Variants in COBLL1 observed in about 807,000 individuals in gnomAD.
The protein encoded by COBLL1 is cordon-bleu protein-like 1.
COBLL1 carries 50 observed loss-of-function variants against 94.8 expected under a neutral mutation model. The ratio of observed to expected loss-of-function variants is 0.53; its 90% CI spans 0.42 to 0.67. The LOEUF is 0.67. COBLL1 is among the 30% of genes least tolerant of loss of function. The probability of loss-of-function intolerance (pLI) is 0.00; values close to 1 mark genes in which losing one functional copy is unlikely to be tolerated. For missense variants in COBLL1, 1,362 were observed against 1,348.7 expected (o/e 1.01, Z -0.15); for synonymous variants, 448 against 473.8 (o/e 0.95, Z 0.71).
At chr2:164,801,914 G>A (rs1683829532) in intron 2 of COBLL1, among the ~76,000 whole-genome samples, 1 of 152,132 alleles carries the variant, frequency 6.6e-6, no homozygotes, top group Non-Finnish European at 1.5e-5. Context: ...AAGCTCCTAC[G>A]GACAGAACCA....
intron 2 of COBLL1, among the ~76,000 whole-genome samples, chr2:164,756,090 G>GGAGAGA (rs138711663): frequency 6.7e-6 from 1 of 149,100 alleles, no homozygotes; most frequent in African/African-American, 2.5e-5. Context: ...AGGGAGGGAG[G>GGAGAGA]GAGAGAGAGA....
At chr2:164,813,678 G>A (rs925346663) in intron 2 of COBLL1, among the ~76,000 whole-genome samples, 4 of 152,132 alleles carry the variant, frequency 2.6e-5, no homozygotes, top group Non-Finnish European at 4.4e-5. Flanking sequence ...CAACTCCAAT[G>A]TTTACTCTCC....
At chr2:164,677,894 G>A (rs931129262), downstream of COBLL1, among the ~76,000 whole-genome samples, 13 of 152,124 alleles carry the variant, frequency 8.5e-5, no homozygotes, top group Admixed American at 5.2e-4. Flanking sequence ...CACCAACAGT[G>A]GATAAGATCA....
At chr2:164,707,289 C>T (rs2105462388) in intron 7 of COBLL1, among the ~76,000 whole-genome samples, 1 of 152,156 alleles carries the variant, frequency 6.6e-6, no homozygotes, top group East Asian at 1.9e-4. Flanking sequence ...TTCAGGCATG[C>T]AATATGACAC....
intron 2 of COBLL1, among the ~76,000 whole-genome samples, chr2:164,755,403 T>G (rs1019594760): frequency 3.3e-5 from 5 of 152,190 alleles, no homozygotes; most frequent in African/African-American, 1.2e-4. Flanking sequence ...TACATTACCT[T>G]CTGCATAGTA....
intron 7 of COBLL1, among the ~76,000 whole-genome samples, chr2:164,719,923 A>G (rs1198069062): frequency 6.6e-6 from 1 of 152,154 alleles, no homozygotes; most frequent in Non-Finnish European, 1.5e-5. Flanking sequence ...TGAATAAAAG[A>G]AACAGTGACA....
At chr2:164,751,186 G>C (rs1036862635) in intron 2 of COBLL1, among the ~76,000 whole-genome samples, 1 of 152,044 alleles carries the variant, frequency 6.6e-6, no homozygotes, top group Non-Finnish European at 1.5e-5. Context: ...CCCACCCATC[G>C]TGGCCCACTC....
chr2:164,698,110 G>A (rs1018250586), intron 11 of COBLL1: 5 of 151,982 alleles, frequency 3.3e-5, no homozygotes, highest in Admixed American at 6.6e-5. Context: ...TTGTGACTCT[G>A]GCACTAACTT....
intron 2 of COBLL1, among the ~76,000 whole-genome samples, chr2:164,811,724 G>C (rs13401856): frequency 0.35 from 53,548 of 151,456 alleles, 9,661 homozygotes; most frequent in Admixed American, 0.41. Context: ...AAATGGAACA[G>C]CCAAAAAAGT....
chr2:164,740,258 G>A (rs1310196278), intron 3 of COBLL1, among the ~76,000 whole-genome samples: 1 of 152,086 alleles, frequency 6.6e-6, no homozygotes, highest in Non-Finnish European at 1.5e-5. Flanking sequence ...AGCTACTTGG[G>A]AGGCTGGGGT....
At chr2:164,699,581 AAT>A (rs1684143393) in intron 10 of COBLL1, 82 bp from the exon 11 acceptor site, 2 of 732,206 alleles carry the variant, frequency 2.7e-6, no homozygotes, top group East Asian at 5.2e-5. Context: ...ACACACACAC[AAT>A]GAGAAACAGG....
At chr2:164,775,575 G>A (rs550913220) in intron 2 of COBLL1, among the ~76,000 whole-genome samples, 1 of 152,156 alleles carries the variant, frequency 6.6e-6, no homozygotes, top group East Asian at 1.9e-4. Flanking sequence ...TAATTCTCCT[G>A]CCTCAGCTTC....
chr2:164,767,703 C>A (rs1688002275), intron 2 of COBLL1, among the ~76,000 whole-genome samples: 1 of 151,774 alleles, frequency 6.6e-6, no homozygotes, highest in Non-Finnish European at 1.5e-5. Context: ...TTTTAGTGTC[C>A]CATTCAATTA....
chr2:164,818,422 T>G (rs1181682851), intron 2 of COBLL1, among the ~76,000 whole-genome samples: 1 of 149,476 alleles, frequency 6.7e-6, no homozygotes, highest in Non-Finnish European at 1.5e-5. Context: ...ATATTTACAA[T>G]GTATGCATGT....
At chr2:164,808,544 T>C (rs1474968151) in intron 2 of COBLL1, among the ~76,000 whole-genome samples, 2 of 152,200 alleles carry the variant, frequency 1.3e-5, no homozygotes, top group African/African-American at 4.8e-5. Flanking sequence ...TAGGATTAAA[T>C]GTTAAATAAA....
chr2:164,730,187 TAAAC>T, intron 3 of COBLL1, 72 bp from the exon 4 acceptor site: 1 of 1,269,542 alleles, frequency 7.9e-7, no homozygotes, highest in Non-Finnish European at 1.1e-6. Flanking sequence ...CTTCAATAGA[TAAAC>T]AAGTCTACAA....
At chr2:164,668,480 TACA>T (rs1184369041) in intron 1 of COBLL1, among the ~76,000 whole-genome samples, 1 of 152,184 alleles carries the variant, frequency 6.6e-6, no homozygotes, top group Non-Finnish European at 1.5e-5. Flanking sequence ...TCAGAACACA[TACA>T]ACATTTCTCA....
rs116342333 is a variant in COBLL1 at position 164,800,329 on chromosome 2, C to A, written c.41+40827G>T. Among the ~76,000 whole-genome samples, 499 of 152,260 alleles carry A rather than the reference C, an allele frequency of 3.3e-3. 4 individuals carry two copies. The highest frequency in any genetic ancestry group is 0.012 in the African/African-American group (480 of 41,558). ...AATAAGCACATGAAAAGCTTTTCAA[C>A]ATCAAGTGCCTTTATGAAAATGTAG... On this transcript the variant is annotated intron_variant, in intron 2 of 13. Coordinates refer to ENST00000652658, the MANE Select transcript of COBLL1 (RefSeq NM_001365672.2).
In COBLL1 at chr2:164,681,031, G is replaced by A. The variant is rs894844360; in HGVS notation, c.*4915C>T. On this transcript the variant is annotated 3_prime_UTR_variant, in exon 14 of 14. Coordinates refer to ENST00000652658, the MANE Select transcript of COBLL1 (RefSeq NM_001365672.2). ...GACAGAAAGTCTGAGGTGTATTTGT[G>A]TTGGATTTAGTAAGTCATCTGTGAG... is the stretch of plus-strand genomic sequence containing the variant. 2 of 152,276 alleles carry A rather than the reference G, an allele frequency of 1.3e-5. No homozygotes were observed. The highest frequency in any genetic ancestry group is 2.4e-5 in the African/African-American group (1 of 41,562). 9.4% of individuals were successfully genotyped at this position (152,276 alleles called of 1,614,324 possible). A position where few individuals can be genotyped will look rare whatever the true frequency, so the allele number is the denominator to read the frequency against.
Sources: gnomAD v4.1 joint callset for allele counts (sites outside exome capture counted in the v4.1 genomes callset) on GRCh38, gnomAD v4.1.1 for gene constraint, MANE v1.5 for transcripts, NCBI Gene and HGNC (gene_info 2026-07-23, HGNC 2026-07-21) for gene names.